Variants in DTNB observed in about 807,000 individuals in gnomAD.
The protein encoded by DTNB is DTN-B.
In DTNB, 63 loss-of-function variants were observed where a neutral mutation model predicts 90.7. The observed-to-expected ratio is 0.69, with a 90% CI of 0.57 to 0.86. The LOEUF is 0.86. Ranked by LOEUF, DTNB falls within the 40% of genes least tolerant of loss-of-function variation. The probability of loss-of-function intolerance (pLI) is 0.00; values close to 1 mark genes in which losing one functional copy is unlikely to be tolerated. For synonymous variants in DTNB, 277 were observed against 286.7 expected (o/e 0.97, Z 0.34); for missense variants, 744 against 807.1 (o/e 0.92, Z 0.95).
At chr2:25,641,569 T>G (rs1484950516) in intron 2 of DTNB, among the ~76,000 whole-genome samples, 1 of 152,184 alleles carries the variant, frequency 6.6e-6, no homozygotes, top group African/African-American at 2.4e-5. Flanking sequence ...TGGCAACTAC[T>G]CCTTGCAAAA....
At chr2:25,432,855 A>G (rs1414065366) in intron 14 of DTNB, 31 bp downstream of exon 14, 2 of 1,562,966 alleles carry the variant, frequency 1.3e-6, no homozygotes, top group African/African-American at 2.7e-5. Context: ...AGTAGATTAC[A>G]TGTGGCAAGT....
chr2:25,413,119 A>C (rs1161191413), intron 16 of DTNB, among the ~76,000 whole-genome samples: 1 of 152,234 alleles, frequency 6.6e-6, no homozygotes, highest in African/African-American at 2.4e-5. Flanking sequence ...GCCATGTATC[A>C]GTATATTTTC....
chr2:25,529,131 C>G (rs965412767), intron 9 of DTNB, among the ~76,000 whole-genome samples: 2 of 152,110 alleles, frequency 1.3e-5, no homozygotes, highest in African/African-American at 4.8e-5. Context: ...GTAATTAAGA[C>G]AGTGAGATAT....
At chr2:25,602,345 T>C (rs1225240999) in intron 5 of DTNB, among the ~76,000 whole-genome samples, 2 of 152,192 alleles carry the variant, frequency 1.3e-5, no homozygotes, top group Non-Finnish European at 2.9e-5. Context: ...TATCTTTTAC[T>C]TCCTTCCATT....
At chr2:25,526,372 T>TAAATATAA (rs1287797041) in intron 9 of DTNB, among the ~76,000 whole-genome samples, 1 of 62,436 alleles carries the variant, frequency 1.6e-5, no homozygotes, top group Non-Finnish European at 2.8e-5. Flanking sequence ...AATATATATA[T>TAAATATAA]ATATATATAT....
At chr2:25,657,354 A>C (rs2082264856) in intron 1 of DTNB, among the ~76,000 whole-genome samples, 1 of 152,250 alleles carries the variant, frequency 6.6e-6, no homozygotes, top group South Asian at 2.1e-4. Context: ...TAAGTGAATG[A>C]AAAGACAGGC....
chr2:25,451,376 G>C (rs1381231109), intron 12 of DTNB, among the ~76,000 whole-genome samples, 172 bp downstream of exon 12: 1 of 152,112 alleles, frequency 6.6e-6, no homozygotes, highest in Non-Finnish European at 1.5e-5. Context: ...GGTTTTTGTA[G>C]GTGTTCTTTA....
At chr2:25,641,542 C>A (rs898704914) in intron 2 of DTNB, among the ~76,000 whole-genome samples, 2 of 152,148 alleles carry the variant, frequency 1.3e-5, no homozygotes, top group Non-Finnish European at 2.9e-5. Context: ...GAATTACAGG[C>A]ATAAGCCCAC....
intron 11 of DTNB, among the ~76,000 whole-genome samples, chr2:25,455,107 T>G (rs1008725523): frequency 4.6e-5 from 7 of 152,310 alleles, no homozygotes; most frequent in South Asian, 2.1e-4. Context: ...GATACCTCTG[T>G]GAGTACTGCG....
intron 19 of DTNB, among the ~76,000 whole-genome samples, chr2:25,382,519 C>CTTT (rs3041261): frequency 0.025 from 1,810 of 72,062 alleles, 283 homozygotes; most frequent in Middle Eastern, 0.054. Context: ...AGTTCTCTGC[C>CTTT]TTTTTTTTTT....
intron 8 of DTNB, among the ~76,000 whole-genome samples, chr2:25,576,232 T>G (rs889280029): frequency 1.1e-4 from 16 of 146,000 alleles, no homozygotes; most frequent in East Asian, 1.9e-4. Context: ...TTTTTTTTTT[T>G]TTTTTTTTTT....
chr2:25,534,073 T>C (rs2078851478), intron 8 of DTNB, among the ~76,000 whole-genome samples: 1 of 151,926 alleles, frequency 6.6e-6, no homozygotes, highest in Non-Finnish European at 1.5e-5. Flanking sequence ...GGTCATAGGA[T>C]AATAGTGGAG....
intron 14 of DTNB, among the ~76,000 whole-genome samples, chr2:25,429,031 G>A (rs1023460751): frequency 1.3e-5 from 2 of 152,020 alleles, no homozygotes; most frequent in African/African-American, 4.8e-5. Flanking sequence ...CTGTGCAATC[G>A]AGACCTACGC....
chr2:25,516,379 TG>T (rs142996850), intron 9 of DTNB, among the ~76,000 whole-genome samples: 3,526 of 152,206 alleles, frequency 0.023, 121 homozygotes, highest in African/African-American at 0.081. Flanking sequence ...CCTGAGTAGC[TG>T]GGACCACAGG....
chr2:25,468,830 G>A (rs2062261563), intron 10 of DTNB, among the ~76,000 whole-genome samples: 1 of 152,166 alleles, frequency 6.6e-6, no homozygotes, highest in Admixed American at 6.5e-5. Context: ...TATAAGGTCA[G>A]AAAATAGGAT....
chr2:25,615,496 G>A (rs2070077549), intron 4 of DTNB, among the ~76,000 whole-genome samples: 1 of 152,150 alleles, frequency 6.6e-6, no homozygotes, highest in African/African-American at 2.4e-5. Context: ...GACAAAAGAT[G>A]CTCCTATCAC....
intron 16 of DTNB, 126 bp downstream of exon 16, chr2:25,419,389 G>A: frequency 7.0e-7 from 1 of 1,421,280 alleles, no homozygotes; most frequent in South Asian, 1.2e-5. Flanking sequence ...AGAACCGCTG[G>A]GGGTTTTACA....
At chr2:25,427,180 A>AACACACACACACACACACACACAC (rs3041256) in intron 15 of DTNB, among the ~76,000 whole-genome samples, 1 of 139,570 alleles carries the variant, frequency 7.2e-6, no homozygotes, top group African/African-American at 2.7e-5. Context: ...TCCATCTCAA[A>AACACACACACACACACACACACAC]ACACACACAC....
chr2:25,639,050 CT>C lies in DTNB; in HGVS notation c.111del (p.Ala38ProfsTer21). ...FDVIRLSTYR[T>X]ACKLRFVQKR... ...TTTTGTACAAATCGTAATTTGCAGG[CT>C]GTTCTGTAAGTTGATAGTCGTATGA... On this transcript the variant is annotated frameshift_variant, in exon 3 of 21. Coordinates refer to ENST00000406818, the MANE Select transcript of DTNB (RefSeq NM_021907.5). LOFTEE classifies it high-confidence loss of function. 1 of 1,593,856 alleles carries C rather than the reference CT, an allele frequency of 6.3e-7. No homozygotes were observed. Among genetic ancestry groups the C allele is most frequent in the Non-Finnish European group, 8.6e-7 (1 of 1,167,784 alleles).
Sources: gnomAD v4.1 joint callset for allele counts (sites outside exome capture counted in the v4.1 genomes callset) on GRCh38, gnomAD v4.1.1 for gene constraint, MANE v1.5 for transcripts, NCBI Gene and HGNC (gene_info 2026-07-23, HGNC 2026-07-21) for gene names.